The following NRG1 variants were observed in gnomAD, a reference collection of about 807,000 sequenced individuals.
NRG1 encodes the protein pro-neuregulin-1, membrane-bound isoform.
A neutral mutation model predicts 63.8 loss-of-function variants in NRG1; 18 were observed. That is an observed-to-expected ratio of 0.28 (90% confidence interval 0.19 to 0.42). NRG1 has a LOEUF of 0.42. NRG1 is among the 10% of genes least tolerant of loss of function. The probability of loss-of-function intolerance (pLI) is 1.00; values close to 1 mark genes in which losing one functional copy is unlikely to be tolerated. For synonymous variants in NRG1, 302 were observed against 301.3 expected, an observed-to-expected ratio of 1.00 and a Z score of -0.02; for missense variants, 762 against 814.7, an observed-to-expected ratio of 0.94 and a Z score of 0.79.
At chr8:31,667,597 G>A (rs1585524988) in intron 1 of NRG1, among the ~76,000 whole-genome samples, 1 of 152,290 alleles carries the variant, frequency 6.6e-6, no homozygotes, top group Admixed American at 6.5e-5. Flanking sequence ...TAGCATGGCT[G>A]GAGGGTCCAG....
chr8:32,705,169 G>A (rs1203600444), intron 5 of NRG1, among the ~76,000 whole-genome samples: 4 of 144,378 alleles, frequency 2.8e-5, no homozygotes, highest in African/African-American at 1.0e-4. Context: ...GTCTCGCTGT[G>A]TCGCCCAGGC....
At chr8:31,791,988 A>T (rs900718698) in intron 1 of NRG1, among the ~76,000 whole-genome samples, 1 of 152,106 alleles carries the variant, frequency 6.6e-6, no homozygotes, top group African/African-American at 2.4e-5. Context: ...AGGAGTTGTG[A>T]TGGAATTTCT....
intron 1 of NRG1, among the ~76,000 whole-genome samples, chr8:32,304,846 A>AC (rs780051948): frequency 3.2e-4 from 49 of 151,578 alleles, no homozygotes; most frequent in Admixed American, 1.5e-3. Flanking sequence ...AACAGGAGAA[A>AC]CCCCGTCTCT....
At chr8:32,063,180 G>T (rs1403389626) in intron 1 of NRG1, 1 of 152,044 alleles carries the variant, frequency 6.6e-6, no homozygotes, top group Non-Finnish European at 1.5e-5. Flanking sequence ...TGTTTCACTT[G>T]ATTAAGAACA....
chr8:32,299,743 G>T (rs1855368224), intron 1 of NRG1, among the ~76,000 whole-genome samples: 1 of 152,174 alleles, frequency 6.6e-6, no homozygotes, highest in Non-Finnish European at 1.5e-5. Flanking sequence ...GGCATGTGCA[G>T]AGGAACTGCC....
intron 1 of NRG1, among the ~76,000 whole-genome samples, chr8:31,853,165 G>C (rs1479323063): frequency 1.3e-5 from 2 of 152,130 alleles, no homozygotes; most frequent in African/African-American, 4.8e-5. Context: ...TTGATAGCTT[G>C]ATGGGGATGT....
intron 1 of NRG1, among the ~76,000 whole-genome samples, chr8:32,089,494 A>G (rs900397612): frequency 1.3e-5 from 2 of 152,164 alleles, no homozygotes; most frequent in African/African-American, 4.8e-5. Context: ...TTAAGTGCTT[A>G]TTTCAAACGG....
At chr8:31,654,042 G>A (rs1805174258) in intron 1 of NRG1, among the ~76,000 whole-genome samples, 1 of 151,790 alleles carries the variant, frequency 6.6e-6, no homozygotes, top group Non-Finnish European at 1.5e-5. Context: ...CCTGCCTGGT[G>A]TATTAAATGT....
intron 1 of NRG1, among the ~76,000 whole-genome samples, chr8:32,465,397 G>C (rs1400131352): frequency 6.6e-6 from 1 of 152,122 alleles, no homozygotes; most frequent in Non-Finnish European, 1.5e-5. Context: ...ATAGCTGTAG[G>C]ATTTAGCCTA....
At chr8:32,055,531 A>G (rs1822769021) in intron 1 of NRG1, among the ~76,000 whole-genome samples, 1 of 152,190 alleles carries the variant, frequency 6.6e-6, no homozygotes. Context: ...AAGGCAAAGC[A>G]TTTCTCAGAA....
At chr8:32,772,236 A>AT (rs926196222), downstream of NRG1, among the ~76,000 whole-genome samples, 157 of 150,682 alleles carry the variant, frequency 1.0e-3, no homozygotes, top group Non-Finnish European at 1.5e-3. Flanking sequence ...ATAAAACAGA[A>AT]TTTTTTTTTC....
intron 1 of NRG1, among the ~76,000 whole-genome samples, chr8:32,465,546 A>G (rs1822948295): frequency 6.6e-6 from 1 of 152,108 alleles, no homozygotes; most frequent in South Asian, 2.1e-4. Context: ...ATTTATTAAC[A>G]ATTTTATTTC....
At chr8:31,677,433 C>T (rs1163901488) in intron 1 of NRG1, among the ~76,000 whole-genome samples, 1 of 152,082 alleles carries the variant, frequency 6.6e-6, no homozygotes, top group African/African-American at 2.4e-5. Context: ...TTTGATATCC[C>T]TATCTGTGGC....
At chr8:32,220,492 G>C (rs1172433187) in intron 1 of NRG1, among the ~76,000 whole-genome samples, 1 of 152,122 alleles carries the variant, frequency 6.6e-6, no homozygotes. Context: ...ATATCGGTTA[G>C]TAGCTTGGGA....
chr8:31,744,322 T>C (rs1815632612), intron 1 of NRG1, among the ~76,000 whole-genome samples: 1 of 152,190 alleles, frequency 6.6e-6, no homozygotes, highest in South Asian at 2.1e-4. Context: ...CATGATACGC[T>C]GTGCCAGTAT....
At chr8:32,004,957 G>T (rs967412953) in intron 1 of NRG1, among the ~76,000 whole-genome samples, 4 of 151,188 alleles carry the variant, frequency 2.6e-5, no homozygotes, top group African/African-American at 7.3e-5. Context: ...AGGAAAAATA[G>T]GATTTGAGAA....
At chr8:32,367,991 AT>A (rs1808309210) in intron 1 of NRG1, among the ~76,000 whole-genome samples, 2 of 152,112 alleles carry the variant, frequency 1.3e-5, no homozygotes, top group African/African-American at 4.8e-5. Context: ...AAATACATGC[AT>A]TTATTTCTAG....
At chr8:31,988,057 T>G (rs1373595357) in intron 1 of NRG1, among the ~76,000 whole-genome samples, 1 of 152,138 alleles carries the variant, frequency 6.6e-6, no homozygotes, top group African/African-American at 2.4e-5. Flanking sequence ...ACACTAACTG[T>G]AATAGTACTT....
Position 31,640,351 on chromosome 8 carries a change from CG to C in NRG1, c.37+923del. The stretch of plus-strand genomic sequence containing the variant: ...TCGCGAGCCGCCAGCCGCGGGCCCA[CG>C]GGCGCTGGGGCCGCCCGCCGAGGAG... On this transcript the variant is annotated intron_variant, in intron 1 of 10. Transcript: ENST00000519301. This position sits in a 1 kb window ranked among gnomAD's most constrained non-coding sequence, Gnocchi z 6.3. 8.3e-7 allele frequency: 1 copy of C among 1,211,728 alleles called. No individual in the cohort carries two copies. The highest frequency in any genetic ancestry group is 1.6e-5 in the African/African-American group (1 of 63,038). 75.1% of individuals were successfully genotyped at this position (1,211,728 alleles called of 1,614,324 possible). A position where few individuals can be genotyped will look rare whatever the true frequency, so the allele number is the denominator to read the frequency against.
Sources: gnomAD v4.1 joint callset for allele counts (sites outside exome capture counted in the v4.1 genomes callset) on GRCh38, gnomAD v4.1.1 for gene constraint, Gnocchi (gnomAD v3.1) non-coding constraint, MANE v1.5 for transcripts, NCBI Gene and HGNC (gene_info 2026-07-23, HGNC 2026-07-21) for gene names.